CRACDL: variants seen among roughly 807,000 people sequenced by gnomAD.
CRACDL encodes CRACD-like protein.
Under a neutral mutation model 70.6 loss-of-function variants are expected in CRACDL, and 26 were observed. That is an observed-to-expected ratio of 0.37 (90% CI 0.27 to 0.51). CRACDL has a LOEUF of 0.51. CRACDL is among the 20% of genes least tolerant of loss of function. CRACDL has a pLI of 0.94. For synonymous variants in CRACDL, 618 were observed against 615.2 expected (o/e 1.00, Z -0.07); for missense variants, 1,283 against 1,376.9 (o/e 0.93, Z 1.08).
chr2:98,854,279 CAAA>C (rs1229198569), intron 1 of CRACDL, among the ~76,000 whole-genome samples: 3 of 54,220 alleles, frequency 5.5e-5, no homozygotes, highest in Non-Finnish European at 1.1e-4. Context: ...GACTCTGTCT[CAAA>C]AAAAAAAAAA....
chr2:98,808,434 G>A (rs767844681), intron 7 of CRACDL, among the ~76,000 whole-genome samples: 7 of 152,148 alleles, frequency 4.6e-5, no homozygotes, highest in Non-Finnish European at 1.0e-4. Context: ...ATGCTGCTCT[G>A]AGCTTCTGCC....
chr2:98,858,201 C>G (rs767646793), intron 1 of CRACDL, among the ~76,000 whole-genome samples: 1 of 151,864 alleles, frequency 6.6e-6, no homozygotes, highest in Non-Finnish European at 1.5e-5. Flanking sequence ...CTTATAAACA[C>G]CTACGTAAAA....
chr2:98,905,905 C>T (rs1708400295), intron 1 of CRACDL, among the ~76,000 whole-genome samples: 1 of 152,002 alleles, frequency 6.6e-6, no homozygotes, highest in East Asian at 1.9e-4. Flanking sequence ...GCGTGAGTCA[C>T]CATGCCCGGC....
At chr2:98,927,924 T>TA (rs11431322) in intron 1 of CRACDL, among the ~76,000 whole-genome samples, 4,817 of 152,252 alleles carry the variant, frequency 0.032, 240 homozygotes, top group African/African-American at 0.11. Context: ...CTCATGCCTG[T>TA]AATCCCAGCA....
intron 5 of CRACDL, among the ~76,000 whole-genome samples, chr2:98,828,133 G>A (rs765072649): frequency 4.6e-5 from 7 of 152,184 alleles, no homozygotes; most frequent in South Asian, 2.1e-4. Context: ...GGCAATACCC[G>A]CAGATCCCTG....
At chr2:98,899,124 C>T (rs1221262029) in intron 1 of CRACDL, among the ~76,000 whole-genome samples, 1 of 152,144 alleles carries the variant, frequency 6.6e-6, no homozygotes, top group Non-Finnish European at 1.5e-5. Flanking sequence ...TCCCACCCCA[C>T]CAAGGCAGGG....
intron 1 of CRACDL, among the ~76,000 whole-genome samples, chr2:98,852,554 T>C (rs1019975671): frequency 6.6e-6 from 1 of 151,806 alleles, no homozygotes; most frequent in Admixed American, 6.6e-5. Flanking sequence ...CAACAAAGAC[T>C]TTAAAGAAGC....
intron 3 of CRACDL, among the ~76,000 whole-genome samples, chr2:98,836,126 A>C (rs1705769881): frequency 6.6e-6 from 1 of 152,222 alleles, no homozygotes. Context: ...GACGTGAAAC[A>C]AAGGGAGAGG....
At chr2:98,887,462 G>A (rs75937892) in intron 1 of CRACDL, among the ~76,000 whole-genome samples, 3,419 of 152,084 alleles carry the variant, frequency 0.022, 125 homozygotes, top group African/African-American at 0.073. Flanking sequence ...CACTCCAGCC[G>A]GGGTGACAAA....
intron 7 of CRACDL, among the ~76,000 whole-genome samples, chr2:98,813,650 T>C (rs1465643666): frequency 2.6e-5 from 4 of 152,182 alleles, no homozygotes; most frequent in Non-Finnish European, 5.9e-5. Flanking sequence ...AAATATAGTA[T>C]CTCTGAATTT....
At chr2:98,858,530 A>AAAG (rs1232668860) in intron 1 of CRACDL, among the ~76,000 whole-genome samples, 2 of 151,362 alleles carry the variant, frequency 1.3e-5, no homozygotes, top group African/African-American at 4.8e-5. Context: ...AAAAAAAAAA[A>AAAG]AAGAAGAAGA....
At chr2:98,797,589 T>G in intron 7 of CRACDL, 52 bp from the exon 8 acceptor site, 1 of 1,562,640 alleles carries the variant, frequency 6.4e-7, no homozygotes, top group Non-Finnish European at 8.8e-7. Context: ...CCTCTTCGGT[T>G]GCACCCTTTG....
At chr2:98,934,599 G>C (rs1041369467) in intron 1 of CRACDL, among the ~76,000 whole-genome samples, 1 of 152,310 alleles carries the variant, frequency 6.6e-6, no homozygotes, top group Non-Finnish European at 1.5e-5. Context: ...CAGCAGCTGA[G>C]CTGCGCAGCA....
chr2:98,820,116 C>T (rs957505499), intron 7 of CRACDL, among the ~76,000 whole-genome samples: 2 of 151,870 alleles, frequency 1.3e-5, no homozygotes, highest in Non-Finnish European at 2.9e-5. Flanking sequence ...CCACGCCGGG[C>T]CAAAACATTT....
At chr2:98,923,745 G>A (rs1708854746) in intron 1 of CRACDL, among the ~76,000 whole-genome samples, 1 of 152,164 alleles carries the variant, frequency 6.6e-6, no homozygotes, top group East Asian at 1.9e-4. Flanking sequence ...TTGCTGATAT[G>A]CATTTTTCCT....
intron 1 of CRACDL, among the ~76,000 whole-genome samples, chr2:98,912,219 C>T (rs895799192): frequency 6.6e-6 from 1 of 152,224 alleles, no homozygotes; most frequent in Admixed American, 6.5e-5. Context: ...AGTACCTGTG[C>T]TAACAATTCT....
At chr2:98,836,182 GCACAGA>G (rs1559224972) in intron 3 of CRACDL, among the ~76,000 whole-genome samples, 1 of 152,142 alleles carries the variant, frequency 6.6e-6, no homozygotes, top group Non-Finnish European at 1.5e-5. Context: ...AAGCACAACC[GCACAGA>G]CACAGACACG....
chr2:98,836,953 C>T (rs1705812206), intron 3 of CRACDL, among the ~76,000 whole-genome samples: 1 of 151,808 alleles, frequency 6.6e-6, no homozygotes, highest in Non-Finnish European at 1.5e-5. Context: ...GGCGTGGTGG[C>T]GGGTGCCTGT....
intron 7 of CRACDL, among the ~76,000 whole-genome samples, chr2:98,814,684 G>A (rs1041338289): frequency 6.6e-6 from 1 of 152,088 alleles, no homozygotes; most frequent in African/African-American, 2.4e-5. Flanking sequence ...CAAGTTGGTT[G>A]ATGATGATGT....
Sources: gnomAD v4.1 joint callset for allele counts (sites outside exome capture counted in the v4.1 genomes callset) on GRCh38, gnomAD v4.1.1 for gene constraint, MANE v1.5 for transcripts, NCBI Gene and HGNC (gene_info 2026-07-23, HGNC 2026-07-21) for gene names.